Variants in TCF7L2 observed in about 807,000 individuals in gnomAD.
TCF7L2 encodes the protein transcription factor 7 like 2.
TCF7L2 carries 23 observed loss-of-function variants against 77.9 expected under a neutral mutation model. The ratio of observed to expected loss-of-function variants is 0.30; its 90% CI spans 0.21 to 0.42. TCF7L2 has a LOEUF of 0.42. TCF7L2 is among the 10% of genes least tolerant of loss of function. The pLI is 1.00. For synonymous variants in TCF7L2, 413 were observed against 340.2 expected (o/e 1.21, Z -2.36); for missense variants, 654 against 793.1 (o/e 0.82, Z 2.11).
At chr10:113,034,451 A>G (rs142604128) in intron 4 of TCF7L2, among the ~76,000 whole-genome samples, 178 of 152,322 alleles carry the variant, frequency 1.2e-3, no homozygotes, top group African/African-American at 4.1e-3. Context: ...GACTTTGGAC[A>G]TGATGGGCTA....
chr10:113,165,478 G>A (rs2073976574), intron 13 of TCF7L2, 77 bp from the exon 15 acceptor site: 2 of 1,496,384 alleles, frequency 1.3e-6, no homozygotes, highest in Non-Finnish European at 1.8e-6. Flanking sequence ...ACCTCAGCTT[G>A]GGTGTGAGCA....
chr10:113,013,827 T>C (rs2046867432), intron 4 of TCF7L2, among the ~76,000 whole-genome samples: 1 of 152,200 alleles, frequency 6.6e-6, no homozygotes, highest in Non-Finnish European at 1.5e-5. Flanking sequence ...TGAGATGATA[T>C]TATTGGTATT....
intron 5 of TCF7L2, among the ~76,000 whole-genome samples, chr10:113,099,254 G>T (rs2061373806): frequency 6.6e-6 from 1 of 152,198 alleles, no homozygotes; most frequent in African/African-American, 2.4e-5. Context: ...ACGGCTTTTG[G>T]AGTATTCTGC....
chr10:112,971,072 GA>G (rs1336146465), intron 4 of TCF7L2, among the ~76,000 whole-genome samples: 9 of 152,310 alleles, frequency 5.9e-5, no homozygotes, highest in Admixed American at 5.9e-4. Context: ...TACCTCAGAA[GA>G]ATGTTCATTC....
intron 5 of TCF7L2, among the ~76,000 whole-genome samples, chr10:113,140,771 G>A (rs2068220313): frequency 1.3e-5 from 2 of 152,112 alleles, no homozygotes; most frequent in African/African-American, 4.8e-5. Context: ...TTCCTAGATG[G>A]TCCCCTGTGC....
intron 11 of TCF7L2, among the ~76,000 whole-genome samples, chr10:113,157,320 G>A (rs1229331515): frequency 2.0e-5 from 3 of 152,128 alleles, no homozygotes; most frequent in East Asian, 1.9e-4. Context: ...GTTTCGCCAC[G>A]TTGGCCAGGC....
chr10:113,085,399 C>T (rs1433616414), intron 5 of TCF7L2, among the ~76,000 whole-genome samples: 1 of 151,878 alleles, frequency 6.6e-6, no homozygotes, highest in Non-Finnish European at 1.5e-5. Context: ...ACAAAATTCT[C>T]ATCTCTGGAG....
intron 5 of TCF7L2, among the ~76,000 whole-genome samples, chr10:113,047,668 G>T (rs1224037185): frequency 6.6e-6 from 1 of 151,946 alleles, no homozygotes; most frequent in East Asian, 1.9e-4. Context: ...TGTTTTCATG[G>T]CATATTATTG....
chr10:113,020,094 T>G (rs947817216), intron 4 of TCF7L2, among the ~76,000 whole-genome samples: 4 of 152,174 alleles, frequency 2.6e-5, no homozygotes, highest in Admixed American at 2.6e-4. Context: ...GTAAGCTTTT[T>G]AGAAGTGAGT....
At chr10:113,068,343 A>G (rs1023893559) in intron 5 of TCF7L2, among the ~76,000 whole-genome samples, 1 of 152,180 alleles carries the variant, frequency 6.6e-6, no homozygotes, top group African/African-American at 2.4e-5. Flanking sequence ...GTGTGAGGAC[A>G]CTTTGTTAGT....
chr10:113,129,598 GA>G (rs1195906397), intron 5 of TCF7L2: 1 of 1,120,276 alleles, frequency 8.9e-7, no homozygotes, highest in Non-Finnish European at 1.1e-6. Flanking sequence ...TGTACAGGGG[GA>G]AGGATTAACA....
chr10:113,164,310 A>G (rs1377037127), intron 13 of TCF7L2, among the ~76,000 whole-genome samples: 1 of 152,208 alleles, frequency 6.6e-6, no homozygotes. Flanking sequence ...CCTATTTCTT[A>G]CATGAATGAG....
chr10:113,036,046 G>A (rs564337030), intron 4 of TCF7L2, among the ~76,000 whole-genome samples: 2 of 152,238 alleles, frequency 1.3e-5, no homozygotes, highest in South Asian at 2.1e-4. Context: ...AATACTGGAA[G>A]CCACTTGGTG....
intron 13 of TCF7L2, among the ~76,000 whole-genome samples, chr10:113,162,596 A>G (rs1031645331): frequency 1.3e-5 from 2 of 152,194 alleles, no homozygotes; most frequent in Admixed American, 6.5e-5. Flanking sequence ...GGCTGTCAAT[A>G]GGGCAGCATT....
At chr10:113,148,346 A>G (rs980844173) in intron 8 of TCF7L2, among the ~76,000 whole-genome samples, 5 of 152,214 alleles carry the variant, frequency 3.3e-5, no homozygotes, top group African/African-American at 1.2e-4. Flanking sequence ...GATCATGTAT[A>G]AACCATAATG....
chr10:113,119,681 T>TTA (rs1555086696), intron 5 of TCF7L2, among the ~76,000 whole-genome samples: 4 of 149,036 alleles, frequency 2.7e-5, no homozygotes, highest in East Asian at 2.0e-4. Flanking sequence ...TTTTTTTTTT[T>TTA]AAAAAAACTT....
chr10:113,166,622 G>A lies in TCF7L2; in HGVS notation c.*650G>A, dbSNP rs1378469552. 8.7e-6 allele frequency: 2 copies of A among 230,372 alleles called. No individual in the cohort carries two copies. Among genetic ancestry groups the A allele is most frequent in the Non-Finnish European group, 1.7e-5 (2 of 116,444 alleles). 14.3% of individuals were successfully genotyped at this position (230,372 alleles called of 1,614,324 possible). A position where few individuals can be genotyped will look rare whatever the true frequency, so the allele number is the denominator to read the frequency against. ...CTTAATAGAATCACAACGCTGTTGG[G>A]CCAGTAGTATTTATTGCTTTAGAGA... is the stretch of plus-strand genomic sequence containing the variant. On this transcript the variant is annotated 3_prime_UTR_variant, in exon 14 of 14. Coordinates refer to ENST00000627217, the MANE Select transcript of TCF7L2 (RefSeq NM_001146274.2).
At chr10:112,992,325 C>G (rs538660871) in intron 4 of TCF7L2, among the ~76,000 whole-genome samples, 2 of 152,332 alleles carry the variant, frequency 1.3e-5, no homozygotes, top group Admixed American at 1.3e-4. Flanking sequence ...CCATTCCGCA[C>G]GCCACCCTCG....
chr10:112,996,678 A>C (rs190785161), intron 4 of TCF7L2, among the ~76,000 whole-genome samples: 374 of 152,296 alleles, frequency 2.5e-3, no homozygotes, highest in Non-Finnish European at 4.1e-3. Flanking sequence ...AGTGCTGGTG[A>C]AGCCTGAAGG....
Sources: gnomAD v4.1 joint callset for allele counts (sites outside exome capture counted in the v4.1 genomes callset) on GRCh38, gnomAD v4.1.1 for gene constraint, MANE v1.5 for transcripts, NCBI Gene and HGNC (gene_info 2026-07-23, HGNC 2026-07-21) for gene names.